RFX3: variants seen among roughly 807,000 people sequenced by gnomAD.
RFX3 encodes the protein transcription factor RFX3.
Under a neutral mutation model 98.6 loss-of-function variants are expected in RFX3, and 14 were observed. That is an observed-to-expected ratio of 0.14 (90% CI 0.09 to 0.22). RFX3 has a LOEUF of 0.22. Ranked by LOEUF, RFX3 falls within the 10% of genes least tolerant of loss-of-function variation. The pLI is 1.00. For missense variants in RFX3, 639 were observed against 926.9 expected, an observed-to-expected ratio of 0.69 and a Z score of 4.03; for synonymous variants, 383 against 328.4, an observed-to-expected ratio of 1.17 and a Z score of -1.80.
chr9:3,300,375 T>C (rs891145792), intron 5 of RFX3, among the ~76,000 whole-genome samples: 1 of 151,740 alleles, frequency 6.6e-6, no homozygotes, highest in African/African-American at 2.4e-5. Context: ...TCCATGATAC[T>C]TTCCTTTGAA....
At chr9:3,467,082 A>G (rs1397794615) in intron 1 of RFX3, among the ~76,000 whole-genome samples, 1 of 116,844 alleles carries the variant, frequency 8.6e-6, no homozygotes, top group African/African-American at 6.0e-5. Flanking sequence ...ATATATGTAT[A>G]TACATACATA....
chr9:3,307,400 T>G (rs1829455566), intron 4 of RFX3, among the ~76,000 whole-genome samples: 1 of 152,118 alleles, frequency 6.6e-6, no homozygotes, highest in African/African-American at 2.4e-5. Context: ...ATATTATTAA[T>G]AATTTGGGAT....
intron 1 of RFX3, among the ~76,000 whole-genome samples, chr9:3,433,620 G>T (rs1844856377): frequency 6.6e-6 from 1 of 152,158 alleles, no homozygotes; most frequent in African/African-American, 2.4e-5. Flanking sequence ...CTGTTCAAGG[G>T]TCAACTGTAT....
At chr9:3,403,064 TG>T (rs1270517658) in intron 1 of RFX3, among the ~76,000 whole-genome samples, 1 of 152,126 alleles carries the variant, frequency 6.6e-6, no homozygotes, top group African/African-American at 2.4e-5. Context: ...TTTAAATATA[TG>T]TTTAAATAGT....
chr9:3,270,916 T>G, intron 10 of RFX3, 87 bp downstream of exon 10: 1 of 1,582,468 alleles, frequency 6.3e-7, no homozygotes, highest in Non-Finnish European at 8.6e-7. Context: ...TCAGGTAAGG[T>G]TCACAACTGG....
chr9:3,394,284 A>G (rs1335465459), intron 2 of RFX3, among the ~76,000 whole-genome samples: 1 of 152,190 alleles, frequency 6.6e-6, no homozygotes, highest in Non-Finnish European at 1.5e-5. Context: ...TAACATGGTG[A>G]AACCCCGTCT....
intron 12 of RFX3, 26 bp from the exon 13 acceptor site, chr9:3,263,110 G>A (rs770646258): frequency 1.2e-6 from 2 of 1,605,698 alleles, no homozygotes; most frequent in South Asian, 2.2e-5. Flanking sequence ...ATTAAGTTGG[G>A]ATTCTGTTTC....
chr9:3,448,126 C>T (rs1215903877), intron 1 of RFX3, among the ~76,000 whole-genome samples: 2 of 152,124 alleles, frequency 1.3e-5, no homozygotes, highest in East Asian at 1.9e-4. Flanking sequence ...AATTAATTTG[C>T]TCTTGAGATT....
chr9:3,341,071 G>A (rs1355887338), intron 3 of RFX3, among the ~76,000 whole-genome samples: 9 of 152,106 alleles, frequency 5.9e-5, no homozygotes, highest in Non-Finnish European at 1.3e-4. Flanking sequence ...ATACTATGCA[G>A]CCATAAAAAA....
chr9:3,248,116 T>A lies in RFX3; in HGVS notation c.1884A>T (p.Leu628=), dbSNP rs776258857. The change falls in exon 15 of 17, where the codon CTA becomes CTT. Residue 628 remains leucine (L), a synonymous_variant. Coordinates refer to ENST00000617270, the MANE Select transcript of RFX3 (RefSeq NM_001282116.2). ...ASFGSFHLIR[L]LYDEYMFYLV... is the part of the protein sequence containing the mutation. Reference sequence around the variant, plus strand: ...AGTAAAACATATATTCGTCGTAGAGTAGACGGATCAGGTGGAAGGAGCCAA... The same window carrying A: ...AGTAAAACATATATTCGTCGTAGAGAAGACGGATCAGGTGGAAGGAGCCAA... 3 of 1,613,852 alleles carry A rather than the reference T, an allele frequency of 1.9e-6. No individual in the cohort carries two copies. Among genetic ancestry groups the A allele is most frequent in the Non-Finnish European group, 2.5e-6 (3 of 1,179,884 alleles).
chr9:3,450,122 C>T (rs1362072709), intron 1 of RFX3, among the ~76,000 whole-genome samples: 1 of 152,058 alleles, frequency 6.6e-6, no homozygotes, highest in Non-Finnish European at 1.5e-5. Context: ...CCTGGCAAGG[C>T]AGAGAAAAAA....
intron 4 of RFX3, among the ~76,000 whole-genome samples, chr9:3,312,323 T>C (rs1048259324): frequency 6.6e-6 from 1 of 152,158 alleles, no homozygotes; most frequent in Non-Finnish European, 1.5e-5. Flanking sequence ...TACCCTGTAA[T>C]AAGCAGCTGA....
chr9:3,524,631 T>C (rs1462993556), intron 1 of RFX3: 1 of 984,142 alleles, frequency 1.0e-6, no homozygotes, highest in African/African-American at 1.8e-5. Flanking sequence ...AAAGCTTCCT[T>C]GTGTCCCTTC....
At chr9:3,308,104 T>C (rs7043367) in intron 4 of RFX3, among the ~76,000 whole-genome samples, 5,161 of 152,270 alleles carry the variant, frequency 0.034, 288 homozygotes, top group African/African-American at 0.12. Flanking sequence ...TGAACTAAGA[T>C]ACACTGCCTA....
intron 2 of RFX3, among the ~76,000 whole-genome samples, chr9:3,373,146 T>C (rs983895213): frequency 2.0e-5 from 3 of 152,110 alleles, no homozygotes; most frequent in African/African-American, 7.2e-5. Flanking sequence ...GACTAGCAAA[T>C]ATTCATGAGG....
At chr9:3,451,147 C>T (rs1224390922) in intron 1 of RFX3, among the ~76,000 whole-genome samples, 1 of 152,108 alleles carries the variant, frequency 6.6e-6, no homozygotes, top group Admixed American at 6.5e-5. Context: ...TAGAAGTCAA[C>T]TAAAAGAGCT....
At chr9:3,266,796 T>G (rs1256153039) in intron 11 of RFX3, among the ~76,000 whole-genome samples, 1 of 152,060 alleles carries the variant, frequency 6.6e-6, no homozygotes, top group Non-Finnish European at 1.5e-5. Flanking sequence ...ATCTGTGAAT[T>G]AGAGTAATTC....
At chr9:3,268,002 G>A (rs142563432) in intron 11 of RFX3, among the ~76,000 whole-genome samples, 2 of 151,646 alleles carry the variant, frequency 1.3e-5, no homozygotes, top group African/African-American at 4.8e-5. Flanking sequence ...TTAATGCAAG[G>A]GCAATTAGGT....
chr9:3,249,408 T>C (rs1821096346), intron 14 of RFX3, among the ~76,000 whole-genome samples: 1 of 152,150 alleles, frequency 6.6e-6, no homozygotes, highest in Non-Finnish European at 1.5e-5. Flanking sequence ...GAGATGTTTT[T>C]CCTCTTGCAT....
Sources: gnomAD v4.1 joint callset for allele counts (sites outside exome capture counted in the v4.1 genomes callset) on GRCh38, gnomAD v4.1.1 for gene constraint, MANE v1.5 for transcripts, NCBI Gene and HGNC (gene_info 2026-07-23, HGNC 2026-07-21) for gene names.